Variants in PRKD3 observed in about 807,000 individuals in gnomAD.
PRKD3 encodes the protein serine/threonine-protein kinase D3.
A neutral mutation model predicts 99.2 loss-of-function variants in PRKD3; 47 were observed. The observed-to-expected ratio is 0.47, with a 90% CI of 0.38 to 0.60. The LOEUF is 0.60. Among genes scored for constraint, PRKD3 ranks in the 20% least tolerant of loss-of-function variants. The pLI is 0.00. For synonymous variants in PRKD3, 392 were observed against 355.4 expected (o/e 1.10, Z -1.16); for missense variants, 1,019 against 1,088.4 (o/e 0.94, Z 0.90).
In PRKD3 at chr2:37,310,830, C is replaced by T. The variant is rs60578759; in HGVS notation, c.288+5407G>A. Among the ~76,000 whole-genome samples, 309 of 152,256 alleles carry T rather than the reference C, an allele frequency of 2.0e-3. 1 individual carries two copies. Among genetic ancestry groups the T allele is most frequent in the African/African-American group, 6.7e-3 (280 of 41,546 alleles). ...TCTGGACCAGAGATCAGAGATTGAT[C>T]AGCATTATTTTGTAAGTAATCTTGC... On this transcript the variant is annotated intron_variant, in intron 2 of 18. Coordinates refer to ENST00000234179, the MANE Select transcript of PRKD3 (RefSeq NM_005813.6).
intron 2 of PRKD3, among the ~76,000 whole-genome samples, chr2:37,298,623 T>C (rs1324012487): frequency 6.6e-6 from 1 of 152,152 alleles, no homozygotes; most frequent in Non-Finnish European, 1.5e-5. Flanking sequence ...ATAGTTTTCA[T>C]TGTAGAGATC....
intron 8 of PRKD3, 69 bp from the exon 9 acceptor site, chr2:37,278,058 T>C (rs893733649): frequency 2.0e-5 from 27 of 1,349,052 alleles, no homozygotes; most frequent in Non-Finnish European, 2.7e-5. Context: ...TGTAGGAACA[T>C]GAAGCCTTTT....
At chr2:37,294,367 A>C (rs1270198098) in intron 2 of PRKD3, among the ~76,000 whole-genome samples, 1 of 152,196 alleles carries the variant, frequency 6.6e-6, no homozygotes, top group Non-Finnish European at 1.5e-5. Context: ...AAGTGCTGGG[A>C]TTAGAGGCAT....
intron 13 of PRKD3, chr2:37,267,747 A>G (rs964990619): frequency 5.8e-5 from 28 of 481,298 alleles, no homozygotes; most frequent in Non-Finnish European, 9.8e-5. Flanking sequence ...AGTCAGCTGC[A>G]TTATCTAAAC....
intron 2 of PRKD3, among the ~76,000 whole-genome samples, chr2:37,299,161 T>C (rs1469647251): frequency 6.6e-6 from 1 of 151,840 alleles, no homozygotes; most frequent in African/African-American, 2.4e-5. Flanking sequence ...TTACTGAATG[T>C]TTTTTTGGCA....
chr2:37,306,788 G>A (rs1305911078), intron 2 of PRKD3, among the ~76,000 whole-genome samples: 2 of 152,186 alleles, frequency 1.3e-5, no homozygotes, highest in African/African-American at 4.8e-5. Context: ...CAGCCTGGGT[G>A]ACAGAGCAAG....
Position 37,272,443 on chromosome 2 carries a change from TA to T in PRKD3, c.1652-12del. Reference sequence around the variant, plus strand: ...TTGTAGACAAATCTTCTGTAAAATATAAAAAAGACAAAATTTAGTATATGAC... The same window carrying T: ...TTGTAGACAAATCTTCTGTAAAATATAAAAAGACAAAATTTAGTATATGAC... On this transcript the variant is annotated splice_polypyrimidine_tract_variant and intron_variant, in intron 11 of 18. Transcript: ENST00000234179. 6.3e-7 allele frequency: 1 copy of T among 1,598,386 alleles called. No homozygotes were observed. The highest frequency in any genetic ancestry group is 8.5e-7 in the Non-Finnish European group (1 of 1,175,278).
rs1667550483 is a variant in PRKD3, at chr2:37,252,143, A to AGGGG, written c.*1033_*1034insCCCC. ...CAAACTGCTTAAAATAATTGACTTT[A>AGGGG]AAACACTCCAGATATCTGCAAAGCC... On this transcript the variant is annotated 3_prime_UTR_variant, in exon 19 of 19. Coordinates refer to ENST00000234179, the MANE Select transcript of PRKD3 (RefSeq NM_005813.6). 6.6e-6 allele frequency: 1 copy of AGGGG among 152,198 alleles called. No individual in the cohort carries two copies. The highest frequency in any genetic ancestry group is 1.5e-5 in the Non-Finnish European group (1 of 68,038). 9.4% of individuals were successfully genotyped at this position (152,198 alleles called of 1,614,324 possible). A position where few individuals can be genotyped will look rare whatever the true frequency, so the allele number is the denominator to read the frequency against.
intron 18 of PRKD3, 72 bp from the exon 19 acceptor site, chr2:37,253,422 T>G (rs937862185): frequency 7.2e-6 from 9 of 1,256,900 alleles, no homozygotes; most frequent in African/African-American, 1.9e-5. Flanking sequence ...TTGTTTTGTG[T>G]TTTTTTTTGT....
At chr2:37,282,777 C>A (rs1050938743) in intron 6 of PRKD3, among the ~76,000 whole-genome samples, 158 bp from the exon 7 acceptor site, 14 of 151,944 alleles carry the variant, frequency 9.2e-5, no homozygotes, top group Non-Finnish European at 1.6e-4. Context: ...CCTCTGCACC[C>A]CCCCATCATT....
chr2:37,265,346 G>A (rs1000846266), intron 14 of PRKD3, among the ~76,000 whole-genome samples: 2 of 152,188 alleles, frequency 1.3e-5, no homozygotes, highest in Non-Finnish European at 1.5e-5. Context: ...TTCAGTAAAT[G>A]AGGTGTGATT....
intron 16 of PRKD3, among the ~76,000 whole-genome samples, chr2:37,259,246 G>A (rs1668224367): frequency 6.6e-6 from 1 of 152,170 alleles, no homozygotes; most frequent in South Asian, 2.1e-4. Context: ...CCCATTTCCA[G>A]TAACACCCCA....
chr2:37,324,615 AGCG>A (rs79931255), intron 1 of PRKD3, 63 bp downstream of exon 1: 10 of 143,092 alleles, frequency 7.0e-5, no homozygotes, highest in East Asian at 2.2e-4. Flanking sequence ...GGGAGAACAA[AGCG>A]GCGGCGGCGG....
At chr2:37,256,635 T>A (rs773630046) in intron 17 of PRKD3, 27 bp downstream of exon 17, 64,526 of 699,346 alleles carry the variant, frequency 0.092, 2,650 homozygotes, top group African/African-American at 0.25. Flanking sequence ...AAAATTTTTT[T>A]TTTTTTTTTT....
intron 7 of PRKD3, among the ~76,000 whole-genome samples, chr2:37,280,593 T>C (rs1669809413): frequency 6.6e-6 from 1 of 152,086 alleles, no homozygotes; most frequent in South Asian, 2.1e-4. Context: ...AATGAACATA[T>C]AAATCATATA....
chr2:37,265,355 T>C (rs1190023450), intron 14 of PRKD3, among the ~76,000 whole-genome samples: 1 of 152,224 alleles, frequency 6.6e-6, no homozygotes, highest in Non-Finnish European at 1.5e-5. Flanking sequence ...TGAGGTGTGA[T>C]TTTTAAAAAG....
chr2:37,296,591 G>A (rs1572682578), intron 2 of PRKD3, among the ~76,000 whole-genome samples: 1 of 152,096 alleles, frequency 6.6e-6, no homozygotes, highest in South Asian at 2.1e-4. Context: ...GTTTGGTAGG[G>A]TATTTAGAAA....
chr2:37,282,643 TTAA>T, intron 6 of PRKD3, 24 bp from the exon 7 acceptor site: 1 of 1,500,366 alleles, frequency 6.7e-7, no homozygotes, highest in Non-Finnish European at 9.3e-7. Flanking sequence ...ATTCAGCATA[TTAA>T]TTTATGTAAA....
At chr2:37,313,776 G>A (rs746263390) in intron 2 of PRKD3, among the ~76,000 whole-genome samples, 2 of 152,150 alleles carry the variant, frequency 1.3e-5, no homozygotes, top group Non-Finnish European at 2.9e-5. Flanking sequence ...GTGCAAAAGG[G>A]ATACACGTTC....
Sources: gnomAD v4.1 joint callset for allele counts (sites outside exome capture counted in the v4.1 genomes callset) on GRCh38, gnomAD v4.1.1 for gene constraint, MANE v1.5 for transcripts, NCBI Gene and HGNC (gene_info 2026-07-23, HGNC 2026-07-21) for gene names.